The following HTR7 variants were observed in gnomAD, a reference collection of about 807,000 sequenced individuals.
HTR7 encodes the protein 5-HT-7.
Under a neutral mutation model 34.0 loss-of-function variants are expected in HTR7, and 16 were observed. The observed-to-expected ratio is 0.47, with a 90% CI of 0.32 to 0.71. HTR7 has a LOEUF of 0.71. HTR7 is among the 30% of genes least tolerant of loss of function. The pLI is 0.04. For synonymous variants in HTR7, 265 were observed against 260.2 expected, an observed-to-expected ratio of 1.02 and a Z score of -0.18; for missense variants, 504 against 625.5, an observed-to-expected ratio of 0.81 and a Z score of 2.07.
chr10:90,807,613 G>A (rs765139613), intron 1 of HTR7, among the ~76,000 whole-genome samples: 18 of 152,062 alleles, frequency 1.2e-4, no homozygotes, highest in Admixed American at 7.2e-4. Context: ...ATTATAAAAC[G>A]GCCCCACCCC....
At chr10:90,762,621 A>G (rs930960926) in intron 1 of HTR7, among the ~76,000 whole-genome samples, 6 of 152,088 alleles carry the variant, frequency 3.9e-5, no homozygotes, top group African/African-American at 1.4e-4. Context: ...TTTTATGTGA[A>G]GAAGGTTTTT....
intron 1 of HTR7, among the ~76,000 whole-genome samples, chr10:90,794,160 A>G (rs1845500686): frequency 6.6e-6 from 1 of 151,902 alleles, no homozygotes; most frequent in Admixed American, 6.6e-5. Flanking sequence ...ATTAACAGAC[A>G]CAAACACACA....
chr10:90,818,916 T>G (rs1818204923), intron 1 of HTR7, among the ~76,000 whole-genome samples: 1 of 152,158 alleles, frequency 6.6e-6, no homozygotes, highest in Non-Finnish European at 1.5e-5. Context: ...TATGCAGCAC[T>G]TCCCCCATCT....
chr10:90,782,808 C>T (rs1021519977), intron 1 of HTR7, among the ~76,000 whole-genome samples: 18 of 152,088 alleles, frequency 1.2e-4, no homozygotes, highest in African/African-American at 3.6e-4. Context: ...CCCACAAATC[C>T]GCTTCATTTT....
At chr10:90,824,492 GA>G (rs530281209) in intron 1 of HTR7, among the ~76,000 whole-genome samples, 1 of 152,124 alleles carries the variant, frequency 6.6e-6, no homozygotes, top group Admixed American at 6.5e-5. Context: ...GGGAAAAGCA[GA>G]AAAAAGAGTA....
intron 1 of HTR7, among the ~76,000 whole-genome samples, chr10:90,807,062 T>C (rs959707948): frequency 2.6e-5 from 4 of 152,200 alleles, no homozygotes; most frequent in Non-Finnish European, 2.9e-5. Flanking sequence ...TAAAAAACCT[T>C]TACTAAAACG....
chr10:90,808,574 A>G (rs908065199), intron 1 of HTR7, among the ~76,000 whole-genome samples: 1 of 150,392 alleles, frequency 6.6e-6, no homozygotes, highest in African/African-American at 2.5e-5. Flanking sequence ...CTGATCCCTT[A>G]TTTCCATGCC....
In HTR7 at chr10:90,749,059, T is replaced by G. The variant is rs1383417083; in HGVS notation, c.1075A>C (p.Ser359Arg). ...ARPFICGTSC[S>R]CIPLWVERTF... ...CTCTCCACCCACAGTGGGATGCAGC[T>G]GCAGGAAGTGCCACAGATGAAGGGT... is the stretch of plus-strand genomic sequence containing the variant. The change falls in exon 2 of 4, where the codon AGC (serine) becomes CGC (arginine). Residue 359 changes from serine (S) to arginine (R), a missense_variant. This residue lies in a region of HTR7 where 154 missense variants were observed against 212.1 expected (regional missense o/e 0.73). Coordinates refer to ENST00000336152, the MANE Select transcript of HTR7 (RefSeq NM_019859.4). The surrounding 1 kb of genome is among the most constrained non-coding windows in gnomAD (Gnocchi z 4.2). 1.9e-6 allele frequency: 3 copies of G among 1,613,912 alleles called. No homozygotes were observed. Among genetic ancestry groups the G allele is most frequent in the Non-Finnish European group, 2.5e-6 (3 of 1,179,970 alleles).
chr10:90,847,697 AG>A (rs1846430163), intron 1 of HTR7, among the ~76,000 whole-genome samples: 1 of 152,176 alleles, frequency 6.6e-6, no homozygotes. Context: ...CTTGCAAATA[AG>A]GCAGATGAGT....
chr10:90,822,913 G>A (rs7893391), intron 1 of HTR7, among the ~76,000 whole-genome samples: 32,413 of 152,172 alleles, frequency 0.21, 4,461 homozygotes, highest in African/African-American at 0.38. Context: ...AGCCACCAAG[G>A]CTTCCATGTG....
chr10:90,817,518 T>A (rs1262209934), intron 1 of HTR7, among the ~76,000 whole-genome samples: 1 of 152,214 alleles, frequency 6.6e-6, no homozygotes, highest in Non-Finnish European at 1.5e-5. Flanking sequence ...AGATGTAGAT[T>A]TACTGGGCAC....
intron 1 of HTR7, among the ~76,000 whole-genome samples, chr10:90,818,083 T>G (rs1310326981): frequency 6.6e-6 from 1 of 152,186 alleles, no homozygotes; most frequent in Non-Finnish European, 1.5e-5. Flanking sequence ...CTGGGAACTT[T>G]TGGGGGTTGC....
intron 1 of HTR7, among the ~76,000 whole-genome samples, chr10:90,794,180 C>T (rs961532680): frequency 4.0e-5 from 6 of 151,870 alleles, no homozygotes; most frequent in African/African-American, 9.7e-5. Context: ...ACATTAGCCT[C>T]GGCCTACACA....
chr10:90,788,420 G>GA (rs1845414855), intron 1 of HTR7, among the ~76,000 whole-genome samples: 2 of 152,124 alleles, frequency 1.3e-5, no homozygotes, highest in Non-Finnish European at 2.9e-5. Flanking sequence ...CTTCTTACAG[G>GA]AAAGGCCTAC....
At chr10:90,746,359 A>G (rs1467270656) in intron 2 of HTR7, among the ~76,000 whole-genome samples, 1 of 152,218 alleles carries the variant, frequency 6.6e-6, no homozygotes, top group East Asian at 1.9e-4. Flanking sequence ...AATAATCAAT[A>G]AAATGATTCT....
intron 1 of HTR7, among the ~76,000 whole-genome samples, chr10:90,759,129 G>A (rs1844888940): frequency 6.6e-6 from 1 of 151,536 alleles, no homozygotes; most frequent in Admixed American, 6.6e-5. Context: ...GGAGGTTGCG[G>A]TGAGCCGAGA....
chr10:90,804,390 C>A (rs1845671872), intron 1 of HTR7, among the ~76,000 whole-genome samples: 1 of 152,136 alleles, frequency 6.6e-6, no homozygotes, highest in Admixed American at 6.5e-5. Context: ...CAGCAAATAC[C>A]AAAAGAGCAT....
intron 1 of HTR7, among the ~76,000 whole-genome samples, chr10:90,819,429 T>A (rs1450929838): frequency 2.0e-5 from 3 of 152,202 alleles, no homozygotes; most frequent in South Asian, 2.1e-4. Context: ...TAAACAGAGA[T>A]GCCTAGGGCT....
At chr10:90,745,971 G>A (rs901913346) in intron 2 of HTR7, among the ~76,000 whole-genome samples, 1 of 152,136 alleles carries the variant, frequency 6.6e-6, no homozygotes, top group African/African-American at 2.4e-5. Context: ...AAGATACAAA[G>A]GCAAATATCT....
Sources: allele counts gnomAD v4.1 joint callset (sites outside exome capture counted in the v4.1 genomes callset), GRCh38; gene constraint gnomAD v4.1.1; regional missense constraint gnomAD v4.1.1; non-coding constraint Gnocchi (gnomAD v3.1); transcripts MANE v1.5; gene names NCBI Gene and HGNC (gene_info 2026-07-23, HGNC 2026-07-21).